The following SLC16A12 variants were observed in gnomAD, a reference collection of about 807,000 sequenced individuals.
SLC16A12 encodes the protein monocarboxylate transporter 12.
Under a neutral mutation model 42.4 loss-of-function variants are expected in SLC16A12, and 17 were observed. The ratio of observed to expected loss-of-function variants is 0.40; its 90% CI spans 0.27 to 0.60. The LOEUF (loss-of-function observed/expected upper bound fraction) is 0.60. SLC16A12 is among the 20% of genes least tolerant of loss of function. SLC16A12 has a pLI of 0.42. For synonymous variants in SLC16A12, 224 were observed against 229.4 expected, an observed-to-expected ratio of 0.98 and a Z score of 0.21; for missense variants, 544 against 623.0, an observed-to-expected ratio of 0.87 and a Z score of 1.35.
Position 89,530,431 on chromosome 10 carries a change from T to C in SLC16A12, c.-47+4070A>G, listed in dbSNP as rs145565900. ...TTTGGTGGTTTTTTTTTTTCTTTTT[T>C]TTCTGAGACGGAGTCTCGCTCTGTT... On this transcript the variant is annotated intron_variant, in intron 2 of 7. Transcript: ENST00000371790. Among the ~76,000 whole-genome samples the C allele has an allele frequency of 1.3e-3, 201 of 152,204 alleles. 2 individuals are homozygous for C. Among genetic ancestry groups the C allele is most frequent in the African/African-American group, 4.7e-3 (195 of 41,562 alleles).
chr10:89,535,812 C>A (rs1843649577), upstream of SLC16A12, among the ~76,000 whole-genome samples: 1 of 152,046 alleles, frequency 6.6e-6, no homozygotes, highest in Admixed American at 6.5e-5. Context: ...TTCGGTGGGG[C>A]GGGGAGCGGA....
chr10:89,434,783 A>G (rs1257963584), intron 7 of SLC16A12, among the ~76,000 whole-genome samples: 1 of 152,252 alleles, frequency 6.6e-6, no homozygotes, highest in Non-Finnish European at 1.5e-5. Flanking sequence ...AATATGGAAC[A>G]GTCATTCTCA....
chr10:89,447,947 C>T (rs1842030182), intron 3 of SLC16A12, among the ~76,000 whole-genome samples: 1 of 152,144 alleles, frequency 6.6e-6, no homozygotes, highest in African/African-American at 2.4e-5. Context: ...ACCAATCCCA[C>T]AGAAATACAA....
chr10:89,518,763 G>A (rs1028644262), intron 2 of SLC16A12, among the ~76,000 whole-genome samples: 3 of 151,996 alleles, frequency 2.0e-5, no homozygotes, highest in Non-Finnish European at 4.4e-5. Context: ...AGCCCCCAAA[G>A]AGCACTCTCT....
chr10:89,498,317 AAG>A, intron 2 of SLC16A12, among the ~76,000 whole-genome samples: 1 of 152,248 alleles, frequency 6.6e-6, no homozygotes, highest in South Asian at 2.1e-4. Flanking sequence ...GGTTAACAAA[AAG>A]AGACTGTGTT....
At chr10:89,493,309 G>A (rs914807204) in intron 2 of SLC16A12, among the ~76,000 whole-genome samples, 13 of 149,594 alleles carry the variant, frequency 8.7e-5, no homozygotes, top group Admixed American at 8.1e-4. Context: ...TGCAACCTCC[G>A]CCTCCTGGGT....
intron 2 of SLC16A12, among the ~76,000 whole-genome samples, chr10:89,528,532 G>A (rs1018582626): frequency 6.6e-6 from 1 of 151,692 alleles, no homozygotes; most frequent in Admixed American, 6.6e-5. Flanking sequence ...CCACAGAGAA[G>A]AAAAAAAATC....
At chr10:89,497,035 G>A (rs963254047) in intron 2 of SLC16A12, among the ~76,000 whole-genome samples, 2 of 152,126 alleles carry the variant, frequency 1.3e-5, no homozygotes, top group African/African-American at 4.8e-5. Flanking sequence ...AACACAATGA[G>A]AAAAGTGTGA....
upstream of SLC16A12, among the ~76,000 whole-genome samples, chr10:89,536,568 G>T (rs1843665851): frequency 6.6e-6 from 1 of 152,118 alleles, no homozygotes; most frequent in East Asian, 1.9e-4. Context: ...CCCCACGTAG[G>T]ACAGGTTCCA....
chr10:89,515,517 C>T (rs981092709), intron 2 of SLC16A12, among the ~76,000 whole-genome samples: 2 of 152,178 alleles, frequency 1.3e-5, no homozygotes, highest in African/African-American at 2.4e-5. Flanking sequence ...TTTACAGGCA[C>T]AGTAGAAGTT....
chr10:89,464,564 A>C (rs896932898), intron 2 of SLC16A12, among the ~76,000 whole-genome samples: 3 of 152,242 alleles, frequency 2.0e-5, no homozygotes, highest in African/African-American at 7.2e-5. Context: ...CATTTCAACT[A>C]TGACAATGTG....
At chr10:89,438,489 T>G in intron 6 of SLC16A12, 115 bp downstream of exon 6, 1 of 973,608 alleles carries the variant, frequency 1.0e-6, no homozygotes, top group Non-Finnish European at 1.5e-6. Context: ...CTTCAGATAC[T>G]GCAGACTTGT....
At chr10:89,455,157 C>T (rs1316712351) in intron 3 of SLC16A12, among the ~76,000 whole-genome samples, 2 of 152,058 alleles carry the variant, frequency 1.3e-5, no homozygotes, top group Non-Finnish European at 2.9e-5. Context: ...GTGTTACAAG[C>T]TGAGAAAACA....
intron 2 of SLC16A12, among the ~76,000 whole-genome samples, chr10:89,481,680 T>TGTGTGTGAGAGAGAGA (rs1554829335): frequency 2.2e-5 from 3 of 137,354 alleles, no homozygotes; most frequent in African/African-American, 8.4e-5. Context: ...AGAGAGAGAG[T>TGTGTGTGAGAGAGAGA]GTGTGTGTGT....
chr10:89,554,076 GAAAGAAAGAAAGAAAGAAAGAAA>G (rs1330569308), intron 2 of SLC16A12, among the ~76,000 whole-genome samples: 64 of 112,424 alleles, frequency 5.7e-4, no homozygotes, highest in East Asian at 2.5e-3. Context: ...AAGAAAGAAA[GAAAGAAAGAAAGAAAGAAAGAAA>G]GAAGGAAGGA....
chr10:89,485,897 T>A (rs1359104022), intron 2 of SLC16A12, among the ~76,000 whole-genome samples: 1 of 152,230 alleles, frequency 6.6e-6, no homozygotes, highest in African/African-American at 2.4e-5. Flanking sequence ...TCTGTGACTG[T>A]ACTAAGCCTA....
intron 3 of SLC16A12, among the ~76,000 whole-genome samples, chr10:89,444,103 T>C (rs2133698864): frequency 6.6e-6 from 1 of 152,238 alleles, no homozygotes; most frequent in Non-Finnish European, 1.5e-5. Context: ...CTAAGGAAGG[T>C]TTTATGGAAA....
chr10:89,529,180 G>C (rs1231187827), intron 2 of SLC16A12, among the ~76,000 whole-genome samples: 1 of 152,014 alleles, frequency 6.6e-6, no homozygotes, highest in African/African-American at 2.4e-5. Flanking sequence ...TGAAGTTACA[G>C]GTTCAGAGAG....
At chr10:89,434,090 TTC>T (rs1397408057) in intron 7 of SLC16A12, among the ~76,000 whole-genome samples, 1 of 152,222 alleles carries the variant, frequency 6.6e-6, no homozygotes, top group Non-Finnish European at 1.5e-5. Context: ...ATATGATTTC[TTC>T]TCTTACCCAC....
Sources: gnomAD v4.1 joint callset for allele counts (sites outside exome capture counted in the v4.1 genomes callset) on GRCh38, gnomAD v4.1.1 for gene constraint, MANE v1.5 for transcripts, NCBI Gene and HGNC (gene_info 2026-07-23, HGNC 2026-07-21) for gene names.